DENND1A: variants seen among roughly 807,000 people sequenced by gnomAD.
The protein encoded by DENND1A is DENN domain-containing protein 1A.
DENND1A carries 51 observed loss-of-function variants against 113.7 expected under a neutral mutation model. That is an observed-to-expected ratio of 0.45 (90% CI 0.36 to 0.57). DENND1A has a LOEUF of 0.57. Ranked by LOEUF, DENND1A falls within the 20% of genes least tolerant of loss-of-function variation. The pLI is 0.00. For missense variants in DENND1A, 1,258 were observed against 1,395.9 expected (o/e 0.90, Z 1.57); for synonymous variants, 565 against 570.8 (o/e 0.99, Z 0.14).
intron 2 of DENND1A, among the ~76,000 whole-genome samples, chr9:123,829,234 A>G (rs1839833822): frequency 6.6e-6 from 1 of 152,206 alleles, no homozygotes. Context: ...CCCTAGAGAC[A>G]ATGAAGGCAT....
chr9:123,614,930 C>T (rs973684074), intron 10 of DENND1A, among the ~76,000 whole-genome samples: 1 of 152,192 alleles, frequency 6.6e-6, no homozygotes, highest in African/African-American at 2.4e-5. Context: ...CGTGTAAACA[C>T]AGATTGTCTT....
chr9:123,524,148 A>G (rs540733288), intron 13 of DENND1A, among the ~76,000 whole-genome samples: 302 of 151,954 alleles, frequency 2.0e-3, no homozygotes, highest in African/African-American at 7.0e-3. Flanking sequence ...GGGAAACCTT[A>G]CTCCTTCCTG....
intron 10 of DENND1A, among the ~76,000 whole-genome samples, chr9:123,629,326 C>T (rs961706883): frequency 2.6e-5 from 4 of 152,200 alleles, no homozygotes; most frequent in Admixed American, 6.5e-5. Context: ...TGCTCCCTTA[C>T]GGACTTCTGT....
Position 123,910,006 on chromosome 9 carries a change from C to T in DENND1A, c.17+19883G>A, listed in dbSNP as rs529683679. Among the ~76,000 whole-genome samples the T allele has an allele frequency of 2.4e-4, 36 of 151,958 alleles. 1 individual carries two copies. Among genetic ancestry groups the T allele is most frequent in the Middle Eastern group, 6.8e-3 (2 of 294 alleles). ...GTTCAGGACCCTGCACTAAAAACTA[C>T]AAAATGCTGCTGAAAAAAAATTGAA... On this transcript the variant is annotated intron_variant, in intron 1 of 23. Transcript: ENST00000394215.
chr9:123,700,977 G>A (rs2065850600), intron 5 of DENND1A, among the ~76,000 whole-genome samples: 2 of 152,158 alleles, frequency 1.3e-5, no homozygotes, highest in Admixed American at 6.5e-5. Context: ...AAAAGCTTCT[G>A]TTTTATTAAT....
intron 13 of DENND1A, among the ~76,000 whole-genome samples, chr9:123,497,812 C>T (rs190748848): frequency 9.2e-5 from 11 of 119,410 alleles, no homozygotes; most frequent in African/African-American, 3.4e-4. Context: ...TCTCTTCCAT[C>T]CAAAAAAAAA....
chr9:123,837,241 G>A (rs961718891), intron 2 of DENND1A, among the ~76,000 whole-genome samples: 24 of 152,170 alleles, frequency 1.6e-4, no homozygotes, highest in Middle Eastern at 3.4e-3. Context: ...ATAATCAAAC[G>A]ATCCCACCAT....
intron 13 of DENND1A, among the ~76,000 whole-genome samples, chr9:123,540,755 C>T (rs2056226907): frequency 6.6e-6 from 1 of 152,164 alleles, no homozygotes; most frequent in South Asian, 2.1e-4. Context: ...AAAATGTTTT[C>T]TGTACCCCAG....
At position 123,381,421 on chromosome 9, in the gene DENND1A, C is replaced by T. The variant is rs1163617777; in HGVS notation, c.*11G>A. On this transcript the variant is annotated 3_prime_UTR_variant, in exon 24 of 24. Transcript: ENST00000394215. The surrounding 1 kb of genome is among the most constrained non-coding windows in gnomAD (Gnocchi z 4.7). ...CGGGCCTCGGTGCATCCCCCACCCTCAGGGCCCGGCTCACTCGAAGGTCTC... is the reference window on the plus strand; with the variant it reads ...CGGGCCTCGGTGCATCCCCCACCCTTAGGGCCCGGCTCACTCGAAGGTCTC... 1.2e-6 allele frequency: 2 copies of T among 1,612,286 alleles called. No individual in the cohort carries two copies. The highest frequency in any genetic ancestry group is 1.7e-6 in the Non-Finnish European group (2 of 1,179,680).
chr9:123,630,912 C>A (rs1008722795), intron 9 of DENND1A, among the ~76,000 whole-genome samples: 2 of 152,084 alleles, frequency 1.3e-5, no homozygotes, highest in Non-Finnish European at 2.9e-5. Context: ...CTTAATGATG[C>A]TTTAAAGGCA....
At chr9:123,583,668 GC>G (rs1056480858) in intron 11 of DENND1A, among the ~76,000 whole-genome samples, 12 of 152,196 alleles carry the variant, frequency 7.9e-5, no homozygotes, top group African/African-American at 2.4e-4. Flanking sequence ...ATTCAATCCA[GC>G]CCCCTAATTT....
intron 2 of DENND1A, among the ~76,000 whole-genome samples, chr9:123,806,871 T>C (rs1374409766): frequency 1.3e-5 from 2 of 152,238 alleles, no homozygotes; most frequent in Non-Finnish European, 2.9e-5. Context: ...TTTGGCAACA[T>C]GTACCAAAAG....
At chr9:123,538,200 T>G (rs1203936429) in intron 13 of DENND1A, among the ~76,000 whole-genome samples, 1 of 152,228 alleles carries the variant, frequency 6.6e-6, no homozygotes, top group Non-Finnish European at 1.5e-5. Flanking sequence ...CTTCTGCCCT[T>G]GAGAATCAGA....
chr9:123,478,852 G>A (rs1193072473), intron 13 of DENND1A, among the ~76,000 whole-genome samples: 2 of 152,188 alleles, frequency 1.3e-5, no homozygotes, highest in African/African-American at 4.8e-5. Context: ...GGATGCGAGT[G>A]GTAGCTGACT....
At chr9:123,611,214 T>C (rs774829887) in intron 10 of DENND1A, among the ~76,000 whole-genome samples, 14 of 152,206 alleles carry the variant, frequency 9.2e-5, no homozygotes, top group Non-Finnish European at 1.3e-4. Context: ...CTGCTGTGTG[T>C]ATTCAGCTTC....
chr9:123,804,070 C>T (rs1377698736), intron 2 of DENND1A, among the ~76,000 whole-genome samples: 2 of 152,212 alleles, frequency 1.3e-5, no homozygotes, highest in Admixed American at 6.5e-5. Flanking sequence ...TCCCGCAATT[C>T]CCACATGTTA....
chr9:123,387,792 C>T lies in DENND1A; in HGVS notation c.1698G>A (p.Gln566=). ...AGCCAGAGCTCGGGCCCTCTTCCCG[C>T]TGGCATTCATCATCAGAGGAGTCTT... ...LSEDSSDDEC[Q]REEGPSSGFT... is the part of the protein sequence containing the mutation. The change falls in exon 22 of 24, where the codon CAG becomes CAA. Residue 566 remains glutamine, a synonymous_variant. Transcript: ENST00000394215. 1 of 1,290,002 alleles carries T rather than the reference C, an allele frequency of 7.8e-7. No homozygotes were observed. Among genetic ancestry groups the T allele is most frequent in the Non-Finnish European group, 1.0e-6 (1 of 988,914 alleles). 79.9% of individuals were successfully genotyped at this position (1,290,002 alleles called of 1,614,324 possible).
chr9:123,413,076 C>A (rs989737016), intron 19 of DENND1A, among the ~76,000 whole-genome samples: 7 of 152,108 alleles, frequency 4.6e-5, no homozygotes, highest in Non-Finnish European at 8.8e-5. Flanking sequence ...CCCACGTACT[C>A]GGGAGGCTAG....
chr9:123,423,029 A>G (rs538369859), intron 19 of DENND1A, among the ~76,000 whole-genome samples: 2 of 152,302 alleles, frequency 1.3e-5, no homozygotes, highest in East Asian at 3.9e-4. Context: ...TATATTTTTC[A>G]TTTAAAATAC....
Sources: allele counts gnomAD v4.1 joint callset (sites outside exome capture counted in the v4.1 genomes callset), GRCh38; gene constraint gnomAD v4.1.1; non-coding constraint Gnocchi (gnomAD v3.1); transcripts MANE v1.5; gene names NCBI Gene and HGNC (gene_info 2026-07-23, HGNC 2026-07-21).